Variants in DCAF4 observed in about 807,000 individuals in gnomAD.
DCAF4 encodes the protein DDB1 and CUL4 associated factor 4.
A neutral mutation model predicts 60.9 loss-of-function variants in DCAF4; 37 were observed. The ratio of observed to expected loss-of-function variants is 0.61; its 90% CI spans 0.47 to 0.80. The LOEUF (loss-of-function observed/expected upper bound fraction) is 0.80, where lower values mean the gene tolerates loss of function less well. Ranked by LOEUF, DCAF4 falls within the 30% of genes least tolerant of loss-of-function variation. DCAF4 has a pLI of 0.00. For synonymous variants in DCAF4, 243 were observed against 254.8 expected, an observed-to-expected ratio of 0.95 and a Z score of 0.44; for missense variants, 577 against 650.0, an observed-to-expected ratio of 0.89 and a Z score of 1.22.
rs1888335260 is a variant in DCAF4, at chr14:72,930,054, C to T, written c.-9+3511C>T. On this transcript the variant is annotated intron_variant, in intron 1 of 13. Transcript: ENST00000358377. ...GTTGAGGCAGGAGGACGGCTTGAGC[C>T]GGGGAGATGGAGGTTGCCGGGAGCG... is the stretch of plus-strand genomic sequence containing the variant. 4 of 549,556 alleles carry T rather than the reference C, an allele frequency of 7.3e-6. No homozygotes were observed. The South Asian group carries it at 9.6e-5, about 13-fold the overall frequency. The allele number at this position is 549,556 out of a possible 1,614,324, so 34.0% of individuals were successfully genotyped here. A position where few individuals can be genotyped will look rare whatever the true frequency, so the allele number is the denominator to read the frequency against.
At chr14:72,926,611 C>G (rs1165870370) in intron 1 of DCAF4, 68 bp downstream of exon 1, 1 of 151,692 alleles carries the variant, frequency 6.6e-6, no homozygotes, top group Non-Finnish European at 1.5e-5. Flanking sequence ...CGCTGCAGAG[C>G]TCGGGGTGGG....
In DCAF4 at chr14:72,934,159, T is replaced by C. The variant is rs1003757482; in HGVS notation, c.-8-3812T>C. ...CCACTGCCTTACGTGGCATTTTCTT[T>C]TTTTTTTTTTTGAGACGGAGTCTCG... is the stretch of plus-strand genomic sequence containing the variant. On this transcript the variant is annotated intron_variant, in intron 1 of 13. Coordinates refer to ENST00000358377, the MANE Select transcript of DCAF4 (RefSeq NM_015604.4). Among the ~76,000 whole-genome samples, 7 of 149,630 alleles carry C rather than the reference T, an allele frequency of 4.7e-5. No individual in the cohort carries two copies. In the East Asian group the frequency reaches 1.4e-3, roughly 30 times the overall value.
At chr14:72,946,092 G>C in intron 7 of DCAF4, 65 bp downstream of exon 7, 16 of 1,585,168 alleles carry the variant, frequency 1.0e-5, no homozygotes, top group Non-Finnish European at 1.4e-5. Context: ...CCAAATTCAG[G>C]GTAGAGGAGA....
chr14:72,938,152 G>A, intron 2 of DCAF4, 82 bp downstream of exon 2: 3 of 1,491,418 alleles, frequency 2.0e-6, no homozygotes, highest in South Asian at 2.8e-5. Flanking sequence ...GATCACAGGT[G>A]TGGAGATCAC....
intron 1 of DCAF4, chr14:72,929,584 A>AACAG: frequency 1.1e-6 from 1 of 932,980 alleles, no homozygotes; most frequent in South Asian, 1.4e-5. Flanking sequence ...GCTGTTCTTT[A>AACAG]TTTCAGGAAG....
intron 1 of DCAF4, among the ~76,000 whole-genome samples, chr14:72,936,736 G>C (rs1308012520): frequency 6.6e-6 from 1 of 152,136 alleles, no homozygotes; most frequent in African/African-American, 2.4e-5. Context: ...ATAGGAACTT[G>C]GTGCTCAGTA....
rs547683652 is a variant in DCAF4, at chr14:72,954,391, T to C, written c.913T>C (p.Ser305Pro). ...QANNCFSTGLSRRVLLTNVVT... is the reference protein window; with the variant it reads ...QANNCFSTGLPRRVLLTNVVT... The stretch of plus-strand genomic sequence containing the variant: ...CCCATCTCTGTCTCCGCCAGGCTTG[T>C]CTCGGCGGGTCCTGTTGACCAACGT... Residue 305 changes from serine (S) to proline (P), a missense_variant, in exon 11 of 14, where the codon TCT becomes CCT. Ser to Pro is a moderately conservative substitution (Grantham distance 74). Coordinates refer to ENST00000358377, the MANE Select transcript of DCAF4 (RefSeq NM_015604.4). The C allele has an allele frequency of 6.2e-7, 1 of 1,613,358 alleles. No homozygotes were observed. Among genetic ancestry groups the C allele is most frequent in the African/African-American group, 1.3e-5 (1 of 75,048 alleles).
At chr14:72,949,241 G>A (rs1366810999) in intron 8 of DCAF4, among the ~76,000 whole-genome samples, 1 of 152,116 alleles carries the variant, frequency 6.6e-6, no homozygotes, top group African/African-American at 2.4e-5. Flanking sequence ...TTGAGGCCAG[G>A]AGTTTGAGAC....
chr14:72,944,831 G>A, intron 6 of DCAF4, among the ~76,000 whole-genome samples: 1 of 152,082 alleles, frequency 6.6e-6, no homozygotes, highest in Non-Finnish European at 1.5e-5. Flanking sequence ...GCTCACACCT[G>A]TAATCCCAGC....
chr14:72,926,650 A>G (rs539514255), intron 1 of DCAF4, 107 bp downstream of exon 1: 8 of 150,692 alleles, frequency 5.3e-5, no homozygotes, highest in African/African-American at 1.7e-4. Flanking sequence ...AGGCCAGGGA[A>G]AGGGGCGGGG....
intron 9 of DCAF4, among the ~76,000 whole-genome samples, chr14:72,952,614 CT>C (rs1013314931): frequency 4.0e-5 from 6 of 151,480 alleles, no homozygotes; most frequent in Admixed American, 2.0e-4. Context: ...TCACAGTACC[CT>C]TTGGGGAGGT....
At chr14:72,953,247 G>A (rs139939011) in intron 9 of DCAF4, among the ~76,000 whole-genome samples, 2,411 of 151,634 alleles carry the variant, frequency 0.016, 55 homozygotes, top group East Asian at 0.046. Flanking sequence ...TGATCCACCC[G>A]CTTCGGCCTC....
intron 4 of DCAF4, among the ~76,000 whole-genome samples, chr14:72,940,795 T>G (rs1172515764): frequency 6.6e-6 from 1 of 151,340 alleles, no homozygotes; most frequent in Non-Finnish European, 1.5e-5. Context: ...TTCACCATGT[T>G]GGCCAGGTTG....
chr14:72,939,834 A>T lies in DCAF4; in HGVS notation c.125A>T (p.Asp42Val), dbSNP rs748004346. Reference sequence around the variant, plus strand: ...TCCCGGGCAGCACAGCCCGCTCACGATTCCGGCCACGGTGATGACGAGTCT... The same window carrying T: ...TCCCGGGCAGCACAGCCCGCTCACGTTTCCGGCCACGGTGATGACGAGTCT... ...SDSRAAQPAH[D>V]SGHGDDESPS... The change falls in exon 3 of 14, where the codon GAT becomes GTT. Residue 42 changes from aspartate to valine, a missense_variant. Asp to Val is a radical substitution (Grantham distance 152, BLOSUM62 -3). Transcript: ENST00000358377. The T allele has an allele frequency of 2.7e-5, 43 of 1,613,180 alleles. 1 individual carries two copies. In the South Asian group the frequency reaches 4.6e-4, roughly 17 times the overall value.
chr14:72,960,008 A>C (rs1294987748), downstream of DCAF4, among the ~76,000 whole-genome samples: 1 of 151,672 alleles, frequency 6.6e-6, no homozygotes, highest in Non-Finnish European at 1.5e-5. Flanking sequence ...GGTTCCAGCA[A>C]CTCTTCATTT....
rs565229070 is a variant in DCAF4, at chr14:72,928,187, C to CTTTT, written c.-9+1664_-9+1667dup. Among the ~76,000 whole-genome samples, 326 of 67,264 alleles carry CTTTT rather than the reference C, an allele frequency of 4.8e-3. 45 individuals carry two copies. Among genetic ancestry groups the CTTTT allele is most frequent in the African/African-American group, 6.4e-3 (96 of 15,104 alleles). The allele number at this position is 67,264 out of a possible 152,430, so 44.1% of individuals were successfully genotyped here. A position where few individuals can be genotyped will look rare whatever the true frequency, so the allele number is the denominator to read the frequency against. ...CCCGCTAGTCTACAGAATCCCCCCA[C>CTTTT]TTTTTTTTTTTTTTTTTTTTTTTGA... On this transcript the variant is annotated intron_variant, in intron 1 of 13. Coordinates refer to ENST00000358377, the MANE Select transcript of DCAF4 (RefSeq NM_015604.4).
At chr14:72,951,677 CTG>C (rs751424307) in intron 8 of DCAF4, 119 bp from the exon 9 acceptor site, 1 of 822,336 alleles carries the variant, frequency 1.2e-6, no homozygotes, top group Non-Finnish European at 2.0e-6. Flanking sequence ...CATGTTGAAT[CTG>C]GACGGTGGGG....
chr14:72,939,737 G>A, intron 2 of DCAF4, 65 bp from the exon 3 acceptor site: 1 of 1,426,922 alleles, frequency 7.0e-7, no homozygotes, highest in Non-Finnish European at 9.6e-7. Flanking sequence ...TGGACTCCCT[G>A]CCCCCGTCAG....
At chr14:72,956,208 A>G (rs1294349552) in intron 12 of DCAF4, among the ~76,000 whole-genome samples, 178 bp from the exon 13 acceptor site, 7 of 152,120 alleles carry the variant, frequency 4.6e-5, no homozygotes, top group Admixed American at 3.9e-4. Flanking sequence ...GGCATGAGCC[A>G]CCGTGCCCGG....
Sources: allele counts gnomAD v4.1 joint callset (sites outside exome capture counted in the v4.1 genomes callset), GRCh38; gene constraint gnomAD v4.1.1; transcripts MANE v1.5; gene names NCBI Gene and HGNC (gene_info 2026-07-23, HGNC 2026-07-21).